IGF2BP2: variants seen among roughly 807,000 people sequenced by gnomAD.
IGF2BP2 encodes insulin-like growth factor 2 mRNA-binding protein 2.
A neutral mutation model predicts 75.8 loss-of-function variants in IGF2BP2; 17 were observed. The ratio of observed to expected loss-of-function variants is 0.22; its 90% CI spans 0.15 to 0.34. The LOEUF is 0.34. IGF2BP2 is among the 10% of genes least tolerant of loss of function. IGF2BP2 has a pLI of 1.00. For synonymous variants in IGF2BP2, 288 were observed against 295.6 expected, an observed-to-expected ratio of 0.97 and a Z score of 0.26; for missense variants, 516 against 772.4, an observed-to-expected ratio of 0.67 and a Z score of 3.93.
At position 185,800,205 on chromosome 3, in the gene IGF2BP2, C is replaced by T. The variant is rs560165367; in HGVS notation, c.239+22948G>A. Among the ~76,000 whole-genome samples, 12 of 152,268 alleles carry T rather than the reference C, an allele frequency of 7.9e-5. No individual in the cohort carries two copies. In the South Asian group the frequency reaches 1.5e-3, roughly 18 times the overall value. Reference sequence around the variant, plus strand: ...GAAAACCAAACACTGCATGTTCTCACTCATAGGTGGGAAATGAACAATGAG... The same window carrying T: ...GAAAACCAAACACTGCATGTTCTCATTCATAGGTGGGAAATGAACAATGAG... On this transcript the variant is annotated intron_variant, in intron 2 of 15. Transcript: ENST00000382199.
chr3:185,774,493 G>A (rs1027359121), intron 2 of IGF2BP2, among the ~76,000 whole-genome samples: 3 of 152,006 alleles, frequency 2.0e-5, no homozygotes, highest in Non-Finnish European at 4.4e-5. Context: ...TACTCAGGAG[G>A]CTGAGGCAGG....
At chr3:185,783,681 C>T (rs1735500147) in intron 2 of IGF2BP2, among the ~76,000 whole-genome samples, 1 of 152,170 alleles carries the variant, frequency 6.6e-6, no homozygotes, top group Non-Finnish European at 1.5e-5. Context: ...TATGCTTCCC[C>T]ATCTATGATG....
At chr3:185,676,890 T>C (rs1719464774) in intron 7 of IGF2BP2, among the ~76,000 whole-genome samples, 1 of 143,856 alleles carries the variant, frequency 7.0e-6, no homozygotes, top group Non-Finnish European at 1.5e-5. Flanking sequence ...GAGATGTATA[T>C]ATATTTACTG....
At chr3:185,770,937 G>A (rs1733784981) in intron 2 of IGF2BP2, among the ~76,000 whole-genome samples, 1 of 152,130 alleles carries the variant, frequency 6.6e-6, no homozygotes, top group Non-Finnish European at 1.5e-5. Context: ...TTTTGGTAGA[G>A]AGGGAGACTC....
chr3:185,694,905 G>A (rs561129507), intron 4 of IGF2BP2, among the ~76,000 whole-genome samples: 11 of 152,130 alleles, frequency 7.2e-5, no homozygotes, highest in Non-Finnish European at 1.0e-4. Flanking sequence ...TGGCCAACAC[G>A]GTGAAACCCT....
intron 2 of IGF2BP2, among the ~76,000 whole-genome samples, chr3:185,795,507 C>T (rs923116179): frequency 6.6e-6 from 1 of 152,174 alleles, no homozygotes; most frequent in African/African-American, 2.4e-5. Context: ...ATTGCTGGAT[C>T]TCACAATGTA....
At chr3:185,753,708 A>T (rs1275411053) in intron 2 of IGF2BP2, among the ~76,000 whole-genome samples, 1 of 152,128 alleles carries the variant, frequency 6.6e-6, no homozygotes, top group Non-Finnish European at 1.5e-5. Flanking sequence ...CCTTCTCCCA[A>T]GATCTGCATT....
intron 2 of IGF2BP2, among the ~76,000 whole-genome samples, chr3:185,747,009 C>A (rs1730328630): frequency 6.6e-6 from 1 of 152,004 alleles, no homozygotes; most frequent in South Asian, 2.1e-4. Context: ...AAAACAAAGG[C>A]AAAAACCAGG....
chr3:185,720,736 C>G (rs1410964708), intron 2 of IGF2BP2, among the ~76,000 whole-genome samples: 1 of 152,190 alleles, frequency 6.6e-6, no homozygotes. Flanking sequence ...AGAACCTCAG[C>G]TTCAGGCTTT....
chr3:185,726,777 C>G (rs1489491139), intron 2 of IGF2BP2, among the ~76,000 whole-genome samples: 1 of 152,160 alleles, frequency 6.6e-6, no homozygotes, highest in African/African-American at 2.4e-5. Context: ...GTGTCAGTAA[C>G]AGGTTCTTTG....
chr3:185,799,479 T>C (rs1268181857), intron 2 of IGF2BP2, among the ~76,000 whole-genome samples: 1 of 152,136 alleles, frequency 6.6e-6, no homozygotes, highest in Non-Finnish European at 1.5e-5. Flanking sequence ...CCAGGCACGG[T>C]GGCTCACGCC....
At chr3:185,703,191 TC>T (rs376926929) in intron 2 of IGF2BP2, among the ~76,000 whole-genome samples, 349 of 152,328 alleles carry the variant, frequency 2.3e-3, no homozygotes, top group African/African-American at 8.0e-3. Flanking sequence ...ATATATGTAA[TC>T]CCAGCTCATC....
chr3:185,694,003 A>C (rs1722266074), intron 4 of IGF2BP2, among the ~76,000 whole-genome samples: 2 of 152,214 alleles, frequency 1.3e-5, no homozygotes, highest in African/African-American at 4.8e-5. Context: ...GAAAAGCTTA[A>C]GGACTACTGT....
chr3:185,654,338 G>A (rs1474541654), intron 12 of IGF2BP2, among the ~76,000 whole-genome samples: 1 of 152,180 alleles, frequency 6.6e-6, no homozygotes, highest in Admixed American at 6.5e-5. Context: ...CTTCTGGCAG[G>A]ATCCCTTGAC....
At chr3:185,803,545 C>T (rs1276284637) in intron 2 of IGF2BP2, among the ~76,000 whole-genome samples, 1 of 152,080 alleles carries the variant, frequency 6.6e-6, no homozygotes, top group Admixed American at 6.5e-5. Context: ...TTAAATTAAA[C>T]GTTTTTGAAT....
At chr3:185,809,035 C>T (rs1739436514) in intron 2 of IGF2BP2, among the ~76,000 whole-genome samples, 1 of 152,004 alleles carries the variant, frequency 6.6e-6, no homozygotes, top group Admixed American at 6.6e-5. Context: ...ACAAACATAT[C>T]TTAAATCCGA....
chr3:185,685,183 A>G (rs1720944009), intron 7 of IGF2BP2, among the ~76,000 whole-genome samples: 1 of 152,052 alleles, frequency 6.6e-6, no homozygotes, highest in South Asian at 2.1e-4. Flanking sequence ...CCCTGTCTCT[A>G]CTAAAATTAC....
chr3:185,796,098 G>A (rs1161502672), intron 2 of IGF2BP2, among the ~76,000 whole-genome samples: 1 of 152,158 alleles, frequency 6.6e-6, no homozygotes, highest in Admixed American at 6.5e-5. Context: ...ACAGGCAGGG[G>A]AGAGTGGAAT....
intron 3 of IGF2BP2, among the ~76,000 whole-genome samples, chr3:185,697,671 C>A (rs374768116): frequency 6.6e-6 from 1 of 152,184 alleles, no homozygotes; most frequent in Admixed American, 6.5e-5. Context: ...GACCTTTCTA[C>A]TTTTGTTGCC....
Sources: allele counts gnomAD v4.1 joint callset (sites outside exome capture counted in the v4.1 genomes callset), GRCh38; gene constraint gnomAD v4.1.1; transcripts MANE v1.5; gene names NCBI Gene and HGNC (gene_info 2026-07-23, HGNC 2026-07-21).